Variants in ACSF3 observed in about 807,000 individuals in gnomAD.
ACSF3 encodes the protein acyl-CoA synthetase family member 3.
A neutral mutation model predicts 53.2 loss-of-function variants in ACSF3; 78 were observed. The observed-to-expected ratio is 1.47, with a 90% CI of 1.22 to 1.77. ACSF3 has a LOEUF of 1.77. Ranked by LOEUF, ACSF3 falls within the 40% of genes most tolerant of loss-of-function variation. The pLI is 0.00. For missense variants in ACSF3, 937 were observed against 771.1 expected, an observed-to-expected ratio of 1.22 and a Z score of -2.55; for synonymous variants, 414 against 333.1, an observed-to-expected ratio of 1.24 and a Z score of -2.65.
chr16:89,145,889 A>C (rs1168908302), intron 9 of ACSF3, 49 bp from the exon 10 acceptor site: 1 of 1,505,830 alleles, frequency 6.6e-7, no homozygotes, highest in Non-Finnish European at 9.2e-7. Context: ...TCGGCCTGTA[A>C]GGGTCACTGA....
At chr16:89,145,581 C>T (rs1912770606) in intron 9 of ACSF3, among the ~76,000 whole-genome samples, 180 bp downstream of exon 9, 1 of 152,230 alleles carries the variant, frequency 6.6e-6, no homozygotes, top group South Asian at 2.1e-4. Flanking sequence ...GTGCAGCCTG[C>T]TCGGTGTTGG....
intron 7 of ACSF3, among the ~76,000 whole-genome samples, chr16:89,132,093 G>T (rs1218626615): frequency 6.6e-6 from 1 of 152,282 alleles, no homozygotes; most frequent in Admixed American, 6.5e-5. Flanking sequence ...CTGCCATGGG[G>T]CAGTGTTGGC....
At chr16:89,121,956 A>G (rs1906747268) in intron 7 of ACSF3, among the ~76,000 whole-genome samples, 1 of 152,146 alleles carries the variant, frequency 6.6e-6, no homozygotes, top group East Asian at 1.9e-4. Context: ...CCTTGTGTGG[A>G]GGGCCACACG....
intron 5 of ACSF3, 41 bp from the exon 6 acceptor site, chr16:89,114,298 C>T (rs746688549): frequency 1.4e-5 from 23 of 1,612,348 alleles, no homozygotes; most frequent in South Asian, 2.2e-5. Flanking sequence ...GCGAGAGCCA[C>T]GTCCCAAGGG....
intron 7 of ACSF3, among the ~76,000 whole-genome samples, chr16:89,123,604 G>A (rs990402000): frequency 6.6e-6 from 1 of 152,210 alleles, no homozygotes; most frequent in African/African-American, 2.4e-5. Flanking sequence ...TCATGAGAAT[G>A]GCCATCCCTA....
Position 89,102,770 on chromosome 16 carries a change from G to T in ACSF3, c.822+11G>T. The T allele has an allele frequency of 6.2e-7, 1 of 1,603,388 alleles. No individual in the cohort carries two copies. Among genetic ancestry groups the T allele is most frequent in the East Asian group, 2.2e-5 (1 of 44,654 alleles). On this transcript the variant is annotated intron_variant, in intron 4 of 10. Coordinates refer to ENST00000614302, the MANE Select transcript of ACSF3 (RefSeq NM_001243279.3). The stretch of plus-strand genomic sequence containing the variant: ...TTCAGCCCTCAGCAGGTGAGTTGGG[G>T]TCAGGGCTCTCGGTTGCACCCTCAG...
intron 8 of ACSF3, among the ~76,000 whole-genome samples, chr16:89,139,443 G>A (rs1373102822): frequency 2.0e-5 from 3 of 152,046 alleles, no homozygotes; most frequent in South Asian, 4.2e-4. Flanking sequence ...CCGGGTCTTC[G>A]TTCTGCCCTC....
intron 8 of ACSF3, among the ~76,000 whole-genome samples, chr16:89,145,003 A>G (rs142820005): frequency 6.6e-6 from 1 of 152,182 alleles, no homozygotes; most frequent in East Asian, 1.9e-4. Context: ...ACAGCTGAGC[A>G]TGGGGAAGGG....
In ACSF3 at chr16:89,114,434, C is replaced by A. The variant is rs387907120; in HGVS notation, c.1073C>A (p.Thr358Asn). The change falls in exon 6 of 11, where the codon ACC becomes AAC. Residue 358 changes from threonine (T) to asparagine (N), a missense_variant. Physicochemically the swap from Thr to Asn is moderately conservative, Grantham distance 65. Coordinates refer to ENST00000614302, the MANE Select transcript of ACSF3 (RefSeq NM_001243279.3). ...ACCCTGCTGGAGCGGTATGGCATGA[C>A]CGAGATCGGCATGGCTCTGTCCGGG... Reference protein sequence around the residue: ...GHTLLERYGMTEIGMALSGPL... With the variant: ...GHTLLERYGMNEIGMALSGPL... 1 of 1,613,562 alleles carries A rather than the reference C, an allele frequency of 6.2e-7. No individual in the cohort carries two copies. The highest frequency in any genetic ancestry group is 8.5e-7 in the Non-Finnish European group (1 of 1,180,046).
rs550474776 is a variant in ACSF3, at chr16:89,094,011, G to GCCCACGGGA, written c.-194+18_-194+26dup. On this transcript the variant is annotated intron_variant, in intron 1 of 10. Transcript: ENST00000614302. The stretch of plus-strand genomic sequence containing the variant: ...CCGTCTCGTAGGTGCGGGCGGCGGG[G>GCCCACGGGA]CCCACGGGACCGCGGCGGGGTCGGC... The GCCCACGGGA allele has an allele frequency of 0.018, 2,973 of 169,278 alleles. 97 individuals carry two copies. Among genetic ancestry groups the GCCCACGGGA allele is most frequent in the African/African-American group, 0.066 (2,761 of 41,550 alleles). The allele number at this position is 169,278 out of a possible 1,614,324, so 10.5% of individuals were successfully genotyped here. A position where few individuals can be genotyped will look rare whatever the true frequency, so the allele number is the denominator to read the frequency against.
rs1205343114 is a variant in ACSF3, at chr16:89,122,380, A to G, written c.1239+1467A>G. 8.9e-6 allele frequency: 4 copies of G among 449,770 alleles called. No individual in the cohort carries two copies. In the Admixed American group the frequency reaches 9.5e-5, roughly 11 times the overall value. The allele number at this position is 449,770 out of a possible 1,614,324, so 27.9% of individuals were successfully genotyped here. On this transcript the variant is annotated intron_variant, in intron 7 of 10. Transcript: ENST00000614302. ...CCTCCCCTGCCCTCTGTAGGGCCCC[A>G]GCCCATGCTGTTGTCCTGACATGCC... is the stretch of plus-strand genomic sequence containing the variant.
chr16:89,119,291 T>C (rs1906028127), intron 6 of ACSF3, among the ~76,000 whole-genome samples: 1 of 152,044 alleles, frequency 6.6e-6, no homozygotes, highest in Non-Finnish European at 1.5e-5. Context: ...TTGCGCTGCG[T>C]CCCCGCCCCA....
At chr16:89,116,579 A>G (rs1022531337) in intron 6 of ACSF3, among the ~76,000 whole-genome samples, 2 of 152,164 alleles carry the variant, frequency 1.3e-5, no homozygotes, top group East Asian at 1.9e-4. Flanking sequence ...TGACAGGGCC[A>G]TGGCAGCGAG....
chr16:89,145,708 G>A (rs545239933), intron 9 of ACSF3, among the ~76,000 whole-genome samples: 2 of 152,302 alleles, frequency 1.3e-5, no homozygotes, highest in East Asian at 3.9e-4. Context: ...GGGCGGGAAG[G>A]CAGAGCCCCT....
rs1307911970 is a variant in ACSF3, at chr16:89,120,924, C to A, written c.1239+11C>A. On this transcript the variant is annotated intron_variant, in intron 7 of 10. Transcript: ENST00000614302. ...GAGAGGGGGACCAAGGTAAGCCACT[C>A]TGCTCTTGGCAGGTGGGCGGCCGTG... 7 of 1,611,466 alleles carry A rather than the reference C, an allele frequency of 4.3e-6. No individual in the cohort carries two copies. Among genetic ancestry groups the A allele is most frequent in the Non-Finnish European group, 5.9e-6 (7 of 1,178,050 alleles).
intron 7 of ACSF3, among the ~76,000 whole-genome samples, chr16:89,125,011 C>A (rs1907698177): frequency 6.6e-6 from 1 of 152,068 alleles, no homozygotes; most frequent in Non-Finnish European, 1.5e-5. Context: ...CAGCTTTATT[C>A]TTTCTCAGAG....
At chr16:89,101,533 C>T (rs934675014) in intron 3 of ACSF3, among the ~76,000 whole-genome samples, 186 bp downstream of exon 3, 1 of 152,210 alleles carries the variant, frequency 6.6e-6, no homozygotes, top group South Asian at 2.1e-4. Flanking sequence ...TCACTGGCCA[C>T]GCAGGACGGC....
At chr16:89,139,112 A>G (rs1423087140) in intron 8 of ACSF3, among the ~76,000 whole-genome samples, 1 of 152,170 alleles carries the variant, frequency 6.6e-6, no homozygotes. Context: ...TGGCATCTGC[A>G]CTATTGAGAC....
rs776848925 is a variant in ACSF3 at position 89,154,986 on chromosome 16, C to T, written c.*779C>T. 8.8e-6 allele frequency: 4 copies of T among 454,056 alleles called. No homozygotes were observed. The highest frequency in any genetic ancestry group is 2.0e-5 in the African/African-American group (1 of 50,014). The allele number at this position is 454,056 out of a possible 1,614,324, so 28.1% of individuals were successfully genotyped here. ...TCACCGTCTCCACCCAGACCCCCACCTGCCCCATGGCCCCCATTTCATGTC... is the reference window on the plus strand; with the variant it reads ...TCACCGTCTCCACCCAGACCCCCACTTGCCCCATGGCCCCCATTTCATGTC... On this transcript the variant is annotated 3_prime_UTR_variant, in exon 11 of 11. Coordinates refer to ENST00000614302, the MANE Select transcript of ACSF3 (RefSeq NM_001243279.3).
Sources: allele counts gnomAD v4.1 joint callset (sites outside exome capture counted in the v4.1 genomes callset), GRCh38; gene constraint gnomAD v4.1.1; transcripts MANE v1.5; gene names NCBI Gene and HGNC (gene_info 2026-07-23, HGNC 2026-07-21).